Variants in DDAH1 observed in about 807,000 individuals in gnomAD.
DDAH1 encodes the protein dimethylarginine dimethylaminohydrolase 1, also known as N(G),N(G)-dimethylarginine dimethylaminohydrolase 1.
A neutral mutation model predicts 28.8 loss-of-function variants in DDAH1; 19 were observed. The ratio of observed to expected loss-of-function variants is 0.66; its 90% CI spans 0.46 to 0.97. DDAH1 has a LOEUF of 0.97. Among genes scored for constraint, DDAH1 ranks in the 50% least tolerant of loss-of-function variants. DDAH1 has a pLI of 0.00. For synonymous variants in DDAH1, 153 were observed against 154.4 expected, an observed-to-expected ratio of 0.99 and a Z score of 0.07; for missense variants, 326 against 375.9, an observed-to-expected ratio of 0.87 and a Z score of 1.10.
intron 2 of DDAH1, among the ~76,000 whole-genome samples, 198 bp downstream of exon 2, chr1:85,358,550 G>A (rs1409531881): frequency 6.6e-6 from 1 of 152,208 alleles, no homozygotes; most frequent in African/African-American, 2.4e-5. Context: ...TCAGGAGGCT[G>A]AGGCAGGAGA....
intron 1 of DDAH1, among the ~76,000 whole-genome samples, chr1:85,564,102 G>T (rs1458329377): frequency 1.3e-5 from 2 of 152,180 alleles, no homozygotes; most frequent in Non-Finnish European, 2.9e-5. Context: ...AACCCTGGAG[G>T]CGGAAGTTGC....
At chr1:85,443,294 CATT>C (rs1175380639) in intron 1 of DDAH1, among the ~76,000 whole-genome samples, 5 of 152,170 alleles carry the variant, frequency 3.3e-5, no homozygotes, top group Admixed American at 3.3e-4. Context: ...ACCCTTTCCC[CATT>C]TCTTATGTTT....
Position 85,464,851 on chromosome 1 carries a change from C to T in DDAH1, c.195G>A (p.Leu65=). 6.3e-7 allele frequency: 1 copy of T among 1,587,138 alleles called. No individual in the cohort carries two copies. Residue 65 remains leucine, a synonymous_variant, in exon 1 of 6, where the codon CTG becomes CTA. Transcript: ENST00000284031. The surrounding 1 kb of genome is among the most constrained non-coding windows in gnomAD (Gnocchi z 4.4). ...GSKLGLQVVE[L]PADESLPDCV... is the part of the protein sequence containing the mutation. ...AGTCCGGAAGGCTCTCGTCGGCCGG[C>T]AGCTCCACCACCTGCAGCCCCAGCT...
intron 1 of DDAH1, among the ~76,000 whole-genome samples, chr1:85,574,856 G>A (rs1239840264): frequency 6.6e-6 from 1 of 151,604 alleles, no homozygotes; most frequent in African/African-American, 2.4e-5. Context: ...GACCAGCCTG[G>A]CCAACATGGT....
intron 1 of DDAH1, among the ~76,000 whole-genome samples, chr1:85,394,221 G>C (rs1167507532): frequency 1.3e-5 from 2 of 152,214 alleles, no homozygotes; most frequent in Non-Finnish European, 2.9e-5. Flanking sequence ...TCTTTCTCAT[G>C]AGACTAGGTT....
At chr1:85,518,442 T>A (rs1466527750) in intron 1 of DDAH1, among the ~76,000 whole-genome samples, 1 of 152,196 alleles carries the variant, frequency 6.6e-6, no homozygotes, top group African/African-American at 2.4e-5. Context: ...AAGACCGAGA[T>A]CTCTCTTTCC....
chr1:85,567,397 T>C (rs1299333912), intron 1 of DDAH1, among the ~76,000 whole-genome samples: 1 of 152,172 alleles, frequency 6.6e-6, no homozygotes, highest in Non-Finnish European at 1.5e-5. Context: ...ATGATAGTGA[T>C]AGGTCTCACA....
chr1:85,455,862 C>A (rs2100678599), intron 1 of DDAH1, among the ~76,000 whole-genome samples: 1 of 152,292 alleles, frequency 6.6e-6, no homozygotes. Context: ...TTAGCAAATT[C>A]AACTGCATCT....
intron 1 of DDAH1, among the ~76,000 whole-genome samples, chr1:85,455,163 C>T (rs546410646): frequency 2.0e-5 from 3 of 152,202 alleles, no homozygotes; most frequent in Non-Finnish European, 2.9e-5. Flanking sequence ...AATATGATTA[C>T]ATCATAAATG....
chr1:85,489,216 G>C (rs192831855), intron 2 of DDAH1, among the ~76,000 whole-genome samples: 27 of 152,322 alleles, frequency 1.8e-4, no homozygotes, highest in Admixed American at 1.6e-3. Context: ...GGGAAAAACA[G>C]TATGACCACA....
Position 85,476,059 on chromosome 1 carries a change from G to A in DDAH1, c.-7+20107C>T, listed in dbSNP as rs149023007. On this transcript the variant is annotated intron_variant, in intron 2 of 6. Coordinates refer to the DDAH1 transcript ENST00000426972. ...TTGTGTTTTTATACAGACAGGTTTC[G>A]CCATATTGCCCAGGCTGGTCTCAAA... is the stretch of plus-strand genomic sequence containing the variant. Among the ~76,000 whole-genome samples, 545 of 152,074 alleles carry A rather than the reference G, an allele frequency of 3.6e-3. 3 individuals are homozygous for A. The highest frequency in any genetic ancestry group is 0.01 in the African/African-American group (422 of 41,482).
intron 1 of DDAH1, among the ~76,000 whole-genome samples, chr1:85,524,382 A>G (rs1371538446): frequency 6.7e-6 from 1 of 149,764 alleles, no homozygotes; most frequent in Non-Finnish European, 1.5e-5. Context: ...CCTTAAAAAA[A>G]ACACTACTTC....
chr1:85,468,477 T>A (rs1215789911), upstream of DDAH1, among the ~76,000 whole-genome samples: 3 of 151,796 alleles, frequency 2.0e-5, no homozygotes, highest in Admixed American at 6.6e-5. Flanking sequence ...CAAAGGGATG[T>A]CTTACATGGC....
intron 1 of DDAH1, among the ~76,000 whole-genome samples, chr1:85,507,527 T>TAAAC (rs139094334): frequency 2.8e-4 from 42 of 149,346 alleles, no homozygotes; most frequent in South Asian, 1.1e-3. Flanking sequence ...AATAAATAAA[T>TAAAC]AAACAAACAA....
At chr1:85,447,046 C>T (rs17388780) in intron 1 of DDAH1, among the ~76,000 whole-genome samples, 27,953 of 152,176 alleles carry the variant, frequency 0.18, 3,159 homozygotes, top group Middle Eastern at 0.28. Flanking sequence ...GGCTTCCCCA[C>T]ACAAGGCACT....
intron 1 of DDAH1, among the ~76,000 whole-genome samples, chr1:85,541,034 T>C (rs1288227485): frequency 2.0e-5 from 3 of 150,830 alleles, no homozygotes; most frequent in African/African-American, 7.3e-5. Flanking sequence ...GGATGACTAA[T>C]CAGAACACAT....
rs189636675 is a variant in DDAH1 at position 85,431,749 on chromosome 1, C to T, written c.303+32994G>A. Among the ~76,000 whole-genome samples, 21 of 152,282 alleles carry T rather than the reference C, an allele frequency of 1.4e-4. No individual in the cohort carries two copies. In the East Asian group the frequency reaches 4.1e-3, roughly 29 times the overall value. ...CACCTCCATCCTGACAATGCTAATG[C>T]TTGGAGATATAAGCAATATTCCTTA... is the stretch of plus-strand genomic sequence containing the variant. On this transcript the variant is annotated intron_variant, in intron 1 of 5. Coordinates refer to ENST00000284031, the MANE Select transcript of DDAH1 (RefSeq NM_012137.4).
chr1:85,460,214 T>C (rs1655064682), intron 1 of DDAH1, among the ~76,000 whole-genome samples: 1 of 152,146 alleles, frequency 6.6e-6, no homozygotes, highest in Non-Finnish European at 1.5e-5. Flanking sequence ...GATGAACATA[T>C]TTAGGCTTTT....
chr1:85,383,306 G>A (rs1281809321), intron 1 of DDAH1, among the ~76,000 whole-genome samples: 2 of 152,186 alleles, frequency 1.3e-5, no homozygotes, highest in South Asian at 2.1e-4. Context: ...AGTAGACAAA[G>A]TAACTGCAGA....
Sources: gnomAD v4.1 joint callset for allele counts (sites outside exome capture counted in the v4.1 genomes callset) on GRCh38, gnomAD v4.1.1 for gene constraint, Gnocchi (gnomAD v3.1) non-coding constraint, MANE v1.5 for transcripts, NCBI Gene and HGNC (gene_info 2026-07-23, HGNC 2026-07-21) for gene names.